IL17RD: variants seen among roughly 807,000 people sequenced by gnomAD.
IL17RD encodes interleukin 17 receptor D.
IL17RD carries 52 observed loss-of-function variants against 80.5 expected under a neutral mutation model. That is an observed-to-expected ratio of 0.65 (90% CI 0.52 to 0.81). IL17RD has a LOEUF of 0.81. Among genes scored for constraint, IL17RD ranks in the 40% least tolerant of loss-of-function variants. The probability of loss-of-function intolerance (pLI) is 0.00; values close to 1 mark genes in which losing one functional copy is unlikely to be tolerated. For synonymous variants in IL17RD, 416 were observed against 391.8 expected (o/e 1.06, Z -0.73); for missense variants, 1,024 against 955.1 (o/e 1.07, Z -0.95).
intron 11 of IL17RD, among the ~76,000 whole-genome samples, chr3:57,099,038 G>A (rs1706767162): frequency 6.6e-6 from 1 of 152,214 alleles, no homozygotes; most frequent in Admixed American, 6.5e-5. Flanking sequence ...TGGGGCTCAG[G>A]CCTGGATGCC....
At chr3:57,154,295 C>CA (rs1486772991) in intron 1 of IL17RD, among the ~76,000 whole-genome samples, 3 of 147,752 alleles carry the variant, frequency 2.0e-5, no homozygotes, top group African/African-American at 7.6e-5. Context: ...CACACACACA[C>CA]ACACACATAC....
Position 57,101,257 on chromosome 3 carries a change from A to G in IL17RD, c.1086T>C (p.Tyr362=), listed in dbSNP as rs779223074. The G allele has an allele frequency of 1.2e-6, 2 of 1,613,714 alleles. No individual in the cohort carries two copies. Among genetic ancestry groups the G allele is most frequent in the Non-Finnish European group, 8.5e-7 (1 of 1,179,688 alleles). ...LRPRPKVFLC[Y]SSKDGQNHMN... is the part of the protein sequence containing the mutation. ...TGTGATTCTGGCCATCTTTACTGGA[A>G]TAGCAGAGAAAGACCTTCGGCCGCG... The change falls in exon 11 of 13, where the codon TAT becomes TAC. Residue 362 remains tyrosine, a synonymous_variant. Transcript: ENST00000296318.
At chr3:57,111,941 G>A (rs1235828815) in intron 3 of IL17RD, among the ~76,000 whole-genome samples, 3 of 149,362 alleles carry the variant, frequency 2.0e-5, no homozygotes, top group East Asian at 2.0e-4. Flanking sequence ...CAGCCTGGGC[G>A]ACAGAGTGAG....
intron 1 of IL17RD, among the ~76,000 whole-genome samples, chr3:57,123,768 G>A (rs539960280): frequency 2.1e-4 from 32 of 152,288 alleles, no homozygotes; most frequent in African/African-American, 5.8e-4. Context: ...TTTTGGCTGC[G>A]CGTGGTGGCT....
chr3:57,149,069 T>C (rs1210325150), intron 1 of IL17RD, among the ~76,000 whole-genome samples: 2 of 152,108 alleles, frequency 1.3e-5, no homozygotes, highest in Admixed American at 6.5e-5. Context: ...CCTAGCACTT[T>C]GGGAGGCCAA....
At chr3:57,120,861 T>C (rs1211965101) in intron 1 of IL17RD, among the ~76,000 whole-genome samples, 1 of 152,162 alleles carries the variant, frequency 6.6e-6, no homozygotes, top group East Asian at 1.9e-4. Flanking sequence ...TTGGAATACA[T>C]AGTGTGGGTC....
rs1460471876 is a variant in IL17RD, at chr3:57,114,831, A to AG, written c.185-15dup. 11 of 1,546,356 alleles carry AG rather than the reference A, an allele frequency of 7.1e-6. No individual in the cohort carries two copies. The highest frequency in any genetic ancestry group is 8.7e-6 in the Non-Finnish European group (10 of 1,148,528). ...AGGTGGTACAATCTAGAGAGTAGGGAGAATGAGAACAGTTAAATTTAAAAT... is the reference window on the plus strand; with the variant it reads ...AGGTGGTACAATCTAGAGAGTAGGGAGGAATGAGAACAGTTAAATTTAAAAT... On this transcript the variant is annotated splice_polypyrimidine_tract_variant and intron_variant, in intron 2 of 12. Coordinates refer to ENST00000296318, the MANE Select transcript of IL17RD (RefSeq NM_017563.5).
intron 5 of IL17RD, 73 bp from the exon 6 acceptor site, chr3:57,106,227 G>C (rs1382519830): frequency 9.4e-7 from 1 of 1,068,810 alleles, no homozygotes; most frequent in Admixed American, 2.0e-5. Context: ...ACAACCCAAT[G>C]AAATATAAAG....
chr3:57,107,125 T>A (rs1166196593), intron 5 of IL17RD, among the ~76,000 whole-genome samples: 2 of 152,174 alleles, frequency 1.3e-5, no homozygotes, highest in African/African-American at 4.8e-5. Flanking sequence ...ATGCCTGTAA[T>A]CCCAGCACTT....
In IL17RD at chr3:57,098,558, C is replaced by A; in HGVS notation, c.1165-20G>T. ...AGCCACCTGGAAAGAGAACAAGGCA[C>A]CTCACCCATACAGAAGGCTCGGGAA... On this transcript the variant is annotated intron_variant, in intron 11 of 12. Coordinates refer to ENST00000296318, the MANE Select transcript of IL17RD (RefSeq NM_017563.5). 1 of 1,531,440 alleles carries A rather than the reference C, an allele frequency of 6.5e-7. No homozygotes were observed. Among genetic ancestry groups the A allele is most frequent in the East Asian group, 2.3e-5 (1 of 44,324 alleles). 94.9% of individuals were successfully genotyped at this position (1,531,440 alleles called of 1,614,324 possible).
chr3:57,155,971 A>T (rs560627570), intron 1 of IL17RD, among the ~76,000 whole-genome samples: 1 of 152,174 alleles, frequency 6.6e-6, no homozygotes, highest in Non-Finnish European at 1.5e-5. Context: ...ACTTGCAAAC[A>T]CCCATTGCTC....
At chr3:57,147,040 T>C (rs191367159) in intron 1 of IL17RD, among the ~76,000 whole-genome samples, 1 of 150,532 alleles carries the variant, frequency 6.6e-6, no homozygotes, top group Admixed American at 6.6e-5. Flanking sequence ...TTTCACCACA[T>C]TGGCCAAGCT....
chr3:57,134,895 C>T (rs1707692356), intron 1 of IL17RD, among the ~76,000 whole-genome samples: 1 of 152,070 alleles, frequency 6.6e-6, no homozygotes. Flanking sequence ...TATTGAGCCC[C>T]AGAGTTTCAG....
At position 57,105,865 on chromosome 3, in the gene IL17RD, A is replaced by C; in HGVS notation, c.739T>G (p.Cys247Gly). Residue 247 changes from cysteine (C) to glycine (G), a missense_variant, in exon 7 of 13, where the codon TGT becomes GGT. Physicochemically the swap from Cys to Gly is radical, Grantham distance 159. Transcript: ENST00000296318. ...KHEGPFKRKT[C>G]KQEQTTETTS... ...TACACCCAGCAGCTCACCTGCTTAC[A>C]GGTCTTTCGCTTGAAAGGTCCTTCG... 1 of 1,613,734 alleles carries C rather than the reference A, an allele frequency of 6.2e-7. No homozygotes were observed.
intron 1 of IL17RD, chr3:57,142,461 C>T (rs1391817349): frequency 7.9e-7 from 1 of 1,270,442 alleles, no homozygotes; most frequent in South Asian, 1.2e-5. Context: ...ACCTGCTCTC[C>T]ACTGACAAAC....
chr3:57,137,378 C>A (rs66529212), intron 1 of IL17RD, among the ~76,000 whole-genome samples: 29,270 of 152,134 alleles, frequency 0.19, 3,305 homozygotes, highest in Non-Finnish European at 0.26. Context: ...CAGATGTGAG[C>A]ACAAGCCTAG....
At chr3:57,133,566 A>G (rs529408204) in intron 1 of IL17RD, among the ~76,000 whole-genome samples, 1 of 152,370 alleles carries the variant, frequency 6.6e-6, no homozygotes, top group South Asian at 2.1e-4. Context: ...AGAATGATGT[A>G]AAAATGAAGT....
chr3:57,152,184 C>T (rs1210758965), intron 1 of IL17RD, among the ~76,000 whole-genome samples: 1 of 152,114 alleles, frequency 6.6e-6, no homozygotes, highest in Non-Finnish European at 1.5e-5. Flanking sequence ...AGGCAAGCTG[C>T]CCCCCGCCCC....
In IL17RD at chr3:57,127,337, AAAATATATAT is replaced by A. The variant is rs1158632753; in HGVS notation, c.127-7034_127-7025del. 2.4e-4 allele frequency among the ~76,000 whole-genome samples: 18 copies of A among 75,776 alleles called. 2 individuals carry two copies. The highest frequency in any genetic ancestry group is 4.3e-4 in the African/African-American group (5 of 11,538). The allele number at this position is 75,776 out of a possible 152,430, so 49.7% of individuals were successfully genotyped here. A position where few individuals can be genotyped will look rare whatever the true frequency, so the allele number is the denominator to read the frequency against. On this transcript the variant is annotated intron_variant, in intron 1 of 12. Coordinates refer to ENST00000296318, the MANE Select transcript of IL17RD (RefSeq NM_017563.5). The stretch of plus-strand genomic sequence containing the variant: ...ATAAAAATATATATAAATATATATA[AAAATATATAT>A]AAATATATATAAATATAAATATATA...
Sources: allele counts gnomAD v4.1 joint callset (sites outside exome capture counted in the v4.1 genomes callset), GRCh38; gene constraint gnomAD v4.1.1; transcripts MANE v1.5; gene names NCBI Gene and HGNC (gene_info 2026-07-23, HGNC 2026-07-21).